FRY: variants seen among roughly 807,000 people sequenced by gnomAD.
FRY encodes FRY microtubule binding protein.
A neutral mutation model predicts 348.4 loss-of-function variants in FRY; 128 were observed. The ratio of observed to expected loss-of-function variants is 0.37; its 90% CI spans 0.32 to 0.43. FRY has a LOEUF of 0.43. FRY is among the 20% of genes least tolerant of loss of function. FRY has a pLI of 1.00. For synonymous variants in FRY, 1,370 were observed against 1,374.7 expected, an observed-to-expected ratio of 1.00 and a Z score of 0.08; for missense variants, 2,736 against 3,695.2, an observed-to-expected ratio of 0.74 and a Z score of 6.73.
At chr13:32,271,826 C>T (rs1888218698) in intron 55 of FRY, among the ~76,000 whole-genome samples, 1 of 152,180 alleles carries the variant, frequency 6.6e-6, no homozygotes. Context: ...TTCACAGCAT[C>T]CACTGTCCAG....
chr13:32,070,000 G>C lies in FRY; in HGVS notation c.71-8834G>C, dbSNP rs186129781. On this transcript the variant is annotated intron_variant, in intron 1 of 60. Coordinates refer to ENST00000542859, the MANE Select transcript of FRY (RefSeq NM_023037.3). ...GTCCTTGTGATAGTTTGCTTAGAAT[G>C]ATGGTTTCCACCGTCATCCATGTCC... Among the ~76,000 whole-genome samples, 331 of 152,114 alleles carry C rather than the reference G, an allele frequency of 2.2e-3. 2 individuals carry two copies. Among genetic ancestry groups the C allele is most frequent in the Non-Finnish European group, 3.3e-3 (222 of 68,008 alleles).
At chr13:32,127,022 G>T (rs1015762796) in intron 7 of FRY, among the ~76,000 whole-genome samples, 3 of 152,118 alleles carry the variant, frequency 2.0e-5, no homozygotes. Flanking sequence ...TGATGATGCT[G>T]TTTAGTTCTT....
chr13:32,126,712 A>G (rs191724271), intron 7 of FRY, among the ~76,000 whole-genome samples: 1 of 152,348 alleles, frequency 6.6e-6, no homozygotes, highest in Admixed American at 6.5e-5. Context: ...AACTAGTATC[A>G]TACCATGAAT....
At chr13:32,170,096 A>G (rs983315737) in intron 17 of FRY, among the ~76,000 whole-genome samples, 2 of 152,166 alleles carry the variant, frequency 1.3e-5, no homozygotes, top group South Asian at 2.1e-4. Flanking sequence ...GTGTCCAGAC[A>G]TTGCCAGATA....
chr13:32,205,827 A>G (rs962249834), intron 31 of FRY, among the ~76,000 whole-genome samples: 1 of 152,050 alleles, frequency 6.6e-6, no homozygotes. Flanking sequence ...AGAGAGGAGG[A>G]TAGTTAAGAA....
At chr13:32,216,350 G>A (rs181858573) in intron 35 of FRY, among the ~76,000 whole-genome samples, 1 of 152,270 alleles carries the variant, frequency 6.6e-6, no homozygotes, top group East Asian at 1.9e-4. Context: ...CTACACTGTG[G>A]CTTCAGTCTT....
chr13:32,069,308 G>A (rs1432214236), intron 1 of FRY, among the ~76,000 whole-genome samples: 2 of 152,190 alleles, frequency 1.3e-5, no homozygotes, highest in African/African-American at 2.4e-5. Flanking sequence ...AGAGAACACA[G>A]AGGGAGAGAC....
intron 8 of FRY, among the ~76,000 whole-genome samples, chr13:32,134,335 C>A (rs1295390499): frequency 3.3e-5 from 5 of 152,158 alleles, no homozygotes; most frequent in African/African-American, 1.2e-4. Flanking sequence ...CTAAAGGTTT[C>A]CTTGTTGAGG....
At chr13:32,044,130 G>A (rs1418085606) in intron 1 of FRY, among the ~76,000 whole-genome samples, 2 of 152,158 alleles carry the variant, frequency 1.3e-5, no homozygotes, top group Non-Finnish European at 2.9e-5. Flanking sequence ...AAATTAACAA[G>A]TTCAATATTT....
At chr13:32,211,412 T>C (rs1172785059) in intron 34 of FRY, among the ~76,000 whole-genome samples, 3 of 152,310 alleles carry the variant, frequency 2.0e-5, no homozygotes, top group Middle Eastern at 6.8e-3. Context: ...TGAGCCAAGA[T>C]TGCACCACTA....
chr13:32,204,477 CT>C (rs2138336056), intron 31 of FRY, among the ~76,000 whole-genome samples: 1 of 152,334 alleles, frequency 6.6e-6, no homozygotes, highest in South Asian at 2.1e-4. Flanking sequence ...AAAAAAGCTC[CT>C]TTTCTAAACT....
chr13:32,068,621 A>T (rs1874406058), intron 1 of FRY, among the ~76,000 whole-genome samples: 2 of 152,232 alleles, frequency 1.3e-5, no homozygotes, highest in African/African-American at 4.8e-5. Flanking sequence ...AGGAAGACAG[A>T]AAAGAAAACA....
Position 32,148,975 on chromosome 13 carries a change from T to C in FRY, c.1393-773T>C, listed in dbSNP as rs573762649. 4.0e-5 allele frequency among the ~76,000 whole-genome samples: 6 copies of C among 151,546 alleles called. No homozygotes were observed. The East Asian group carries it at 1.2e-3, about 29-fold the overall frequency. ...TGTGACTGAGAATGTGCTTTGTTTA[T>C]TCTGGAATATGTTGTATAAAATGAA... On this transcript the variant is annotated intron_variant, in intron 13 of 60. Transcript: ENST00000542859.
chr13:32,202,032 C>T lies in FRY; in HGVS notation c.3838C>T (p.Leu1280Phe). 1 of 1,564,406 alleles carries T rather than the reference C, an allele frequency of 6.4e-7. No individual in the cohort carries two copies. Among genetic ancestry groups the T allele is most frequent in the Non-Finnish European group, 8.8e-7 (1 of 1,135,012 alleles). Residue 1280 changes from leucine to phenylalanine, a missense_variant, in exon 30 of 61, where the codon CTC (leucine) becomes TTC (phenylalanine). Coordinates refer to ENST00000542859, the MANE Select transcript of FRY (RefSeq NM_023037.3). The part of the protein sequence containing the change: ...NREIYEISMQ[L>F]MQILEAKLFV... Reference sequence around the variant, plus strand: ...AGAGATTTATGAAATCTCCATGCAGCTCATGCAGGCACGTATCATTTACTG... The same window carrying T: ...AGAGATTTATGAAATCTCCATGCAGTTCATGCAGGCACGTATCATTTACTG...
intron 55 of FRY, among the ~76,000 whole-genome samples, chr13:32,267,856 G>A (rs1887998254): frequency 6.6e-6 from 1 of 152,186 alleles, no homozygotes. Context: ...GTAGCAGGTT[G>A]CTGTGCACTG....
At chr13:32,100,530 T>C (rs540938456) in intron 2 of FRY, among the ~76,000 whole-genome samples, 19 of 152,342 alleles carry the variant, frequency 1.2e-4, no homozygotes, top group Non-Finnish European at 2.5e-4. Context: ...TTATTTATGG[T>C]GTTACAACAT....
At chr13:32,050,820 G>T (rs1020239954) in intron 1 of FRY, among the ~76,000 whole-genome samples, 1 of 152,184 alleles carries the variant, frequency 6.6e-6, no homozygotes, top group East Asian at 1.9e-4. Context: ...AGACAGAGGT[G>T]CACCTAACTC....
chr13:32,052,841 C>G (rs1331891462), intron 1 of FRY, among the ~76,000 whole-genome samples: 1 of 152,138 alleles, frequency 6.6e-6, no homozygotes, highest in Admixed American at 6.5e-5. Flanking sequence ...TGGCTGGGCA[C>G]GATGGCTAAT....
At chr13:32,084,879 C>G (rs1875752545) in intron 2 of FRY, among the ~76,000 whole-genome samples, 1 of 126,508 alleles carries the variant, frequency 7.9e-6, no homozygotes, top group African/African-American at 2.6e-5. Flanking sequence ...TTGACACATA[C>G]ACACATGCAA....
Sources: allele counts gnomAD v4.1 joint callset (sites outside exome capture counted in the v4.1 genomes callset), GRCh38; gene constraint gnomAD v4.1.1; transcripts MANE v1.5; gene names NCBI Gene and HGNC (gene_info 2026-07-23, HGNC 2026-07-21).